MACROD2: variants seen among roughly 807,000 people sequenced by gnomAD.
MACROD2 encodes mono-ADP ribosylhydrolase 2.
Under a neutral mutation model 70.4 loss-of-function variants are expected in MACROD2, and 36 were observed. The ratio of observed to expected loss-of-function variants is 0.51; its 90% CI spans 0.39 to 0.68. The LOEUF (loss-of-function observed/expected upper bound fraction) is 0.68. Among genes scored for constraint, MACROD2 ranks in the 30% least tolerant of loss-of-function variants. The probability of loss-of-function intolerance (pLI) is 0.00; values close to 1 mark genes in which losing one functional copy is unlikely to be tolerated. For synonymous variants in MACROD2, 172 were observed against 178.8 expected (o/e 0.96, Z 0.30); for missense variants, 496 against 538.4 (o/e 0.92, Z 0.78).
intron 6 of MACROD2, among the ~76,000 whole-genome samples, chr20:15,259,982 G>A (rs1388148785): frequency 6.6e-6 from 1 of 151,632 alleles, no homozygotes; most frequent in East Asian, 1.9e-4. Context: ...TATCTCTCCT[G>A]AAATTTTTTT....
At chr20:14,576,402 G>C (rs1980603195) in intron 4 of MACROD2, among the ~76,000 whole-genome samples, 1 of 152,106 alleles carries the variant, frequency 6.6e-6, no homozygotes, top group African/African-American at 2.4e-5. Flanking sequence ...CCTTATGAGA[G>C]CCCCTTTATG....
In MACROD2 at chr20:15,422,482, T is replaced by C. The variant is rs148622229; in HGVS notation, c.541-8923T>C. ...TCCTTTAGTATTCCTTTCTGTGACC[T>C]TGGACAAGTTTTCTTTCTTAGCTTT... On this transcript the variant is annotated intron_variant, in intron 6 of 17. Transcript: ENST00000684519. 7.2e-5 allele frequency among the ~76,000 whole-genome samples: 11 copies of C among 152,264 alleles called. No individual in the cohort carries two copies. In the East Asian group the frequency reaches 2.1e-3, roughly 29 times the overall value.
chr20:14,828,483 G>T (rs2072926716), intron 5 of MACROD2, among the ~76,000 whole-genome samples: 1 of 152,112 alleles, frequency 6.6e-6, no homozygotes, highest in Admixed American at 6.5e-5. Flanking sequence ...AGCCATTTGA[G>T]TGCTTACTAT....
chr20:15,499,784 C>T lies in MACROD2; in HGVS notation c.582C>T (p.Asn194=), dbSNP rs369457360. The T allele has an allele frequency of 6.2e-5, 100 of 1,613,580 alleles. No individual in the cohort carries two copies. The highest frequency in any genetic ancestry group is 7.6e-5 in the Non-Finnish European group (90 of 1,179,694). ...CISTGIYGFP[N]EPAAVIALNT... is the part of the protein sequence containing the mutation. ...CTGCTCTTCATCTAGGCTTTCCCAA[C>T]GAGCCTGCTGCAGTCATTGCCCTCA... is the stretch of plus-strand genomic sequence containing the variant. Residue 194 remains asparagine, a synonymous_variant, in exon 8 of 18, where the codon AAC becomes AAT. Transcript: ENST00000684519.
At chr20:14,184,934 A>G (rs1172198914) in intron 3 of MACROD2, among the ~76,000 whole-genome samples, 1 of 152,092 alleles carries the variant, frequency 6.6e-6, no homozygotes, top group East Asian at 1.9e-4. Context: ...GGCTGATACT[A>G]TGGGTTTTCC....
intron 6 of MACROD2, among the ~76,000 whole-genome samples, chr20:15,415,885 C>G (rs2046141253): frequency 6.6e-6 from 1 of 152,156 alleles, no homozygotes; most frequent in Admixed American, 6.5e-5. Context: ...ACTCTCTACT[C>G]TTAGTGAATC....
chr20:14,821,546 C>A (rs571129052), intron 5 of MACROD2, among the ~76,000 whole-genome samples: 1 of 152,190 alleles, frequency 6.6e-6, no homozygotes, highest in South Asian at 2.1e-4. Context: ...AGGCTGAGAA[C>A]ACTCGCTCTC....
At chr20:14,233,636 G>A (rs999374336) in intron 3 of MACROD2, among the ~76,000 whole-genome samples, 5 of 138,438 alleles carry the variant, frequency 3.6e-5, no homozygotes, top group African/African-American at 5.3e-5. Context: ...GGCAGAGCTT[G>A]CAGTGAGCCG....
chr20:14,201,623 C>T (rs1468131280), intron 3 of MACROD2, among the ~76,000 whole-genome samples: 3 of 151,656 alleles, frequency 2.0e-5, no homozygotes, highest in African/African-American at 7.3e-5. Flanking sequence ...GGGTGGCTCA[C>T]GAGGTCAGGA....
intron 5 of MACROD2, among the ~76,000 whole-genome samples, chr20:14,934,318 A>T (rs996873800): frequency 1.3e-5 from 2 of 152,214 alleles, no homozygotes; most frequent in Non-Finnish European, 2.9e-5. Flanking sequence ...GCAACAGAAG[A>T]AGGCCACATT....
intron 2 of MACROD2, among the ~76,000 whole-genome samples, chr20:14,011,294 T>G (rs1008124731): frequency 2.6e-5 from 4 of 152,152 alleles, no homozygotes; most frequent in African/African-American, 9.7e-5. Flanking sequence ...GACTGGCAGC[T>G]GGTGTTTATC....
At chr20:15,217,280 A>G (rs2076818883) in intron 5 of MACROD2, among the ~76,000 whole-genome samples, 1 of 152,202 alleles carries the variant, frequency 6.6e-6, no homozygotes, top group Non-Finnish European at 1.5e-5. Flanking sequence ...TAGAAGTACT[A>G]GTGATAAGTA....
intron 13 of MACROD2, among the ~76,000 whole-genome samples, chr20:15,983,015 A>G (rs1281943252): frequency 6.6e-6 from 1 of 152,214 alleles, no homozygotes; most frequent in African/African-American, 2.4e-5. Context: ...TCTGACATAT[A>G]GAGTGTAAAG....
At chr20:15,083,596 A>ATT (rs11477503) in intron 5 of MACROD2, among the ~76,000 whole-genome samples, 1 of 148,484 alleles carries the variant, frequency 6.7e-6, no homozygotes, top group Admixed American at 6.7e-5. Context: ...ATCAACAATA[A>ATT]TTTTTTTTTT....
At chr20:15,034,058 A>T (rs998986470) in intron 5 of MACROD2, among the ~76,000 whole-genome samples, 1 of 152,208 alleles carries the variant, frequency 6.6e-6, no homozygotes, top group Non-Finnish European at 1.5e-5. Context: ...ATACAGGAAG[A>T]TAAACTCGAG....
chr20:15,022,666 G>A (rs2075197239), intron 5 of MACROD2, among the ~76,000 whole-genome samples: 1 of 152,172 alleles, frequency 6.6e-6, no homozygotes, highest in Non-Finnish European at 1.5e-5. Context: ...CCACAATGAC[G>A]AGTAAGCAGC....
rs904674554 is a variant in MACROD2 at position 14,621,167 on chromosome 20, CTAAT to C, written c.302-63671_302-63668del. Among the ~76,000 whole-genome samples, 32 of 152,176 alleles carry C rather than the reference CTAAT, an allele frequency of 2.1e-4. 1 individual carries two copies. Among genetic ancestry groups the C allele is most frequent in the Middle Eastern group, 3.4e-3 (1 of 294 alleles). On this transcript the variant is annotated intron_variant, in intron 4 of 17. Transcript: ENST00000684519. ...GTCACAGGGATGTTGTGTGGATAAA[CTAAT>C]TAATGATTGTAAAATGCTTTGAAAG...
At chr20:14,257,108 T>A (rs181378153) in intron 3 of MACROD2, among the ~76,000 whole-genome samples, 3 of 152,240 alleles carry the variant, frequency 2.0e-5, no homozygotes, top group African/African-American at 7.2e-5. Flanking sequence ...TACAAAAAAA[T>A]TCACCATAGC....
intron 3 of MACROD2, among the ~76,000 whole-genome samples, chr20:14,317,310 T>G (rs1361823305): frequency 6.6e-6 from 1 of 152,142 alleles, no homozygotes; most frequent in African/African-American, 2.4e-5. Context: ...TTATATTCCT[T>G]TGAGTTTTGT....
Sources: allele counts gnomAD v4.1 joint callset (sites outside exome capture counted in the v4.1 genomes callset), GRCh38; gene constraint gnomAD v4.1.1; transcripts MANE v1.5; gene names NCBI Gene and HGNC (gene_info 2026-07-23, HGNC 2026-07-21).